Variants in UBE2L5 observed in about 807,000 individuals in gnomAD.
UBE2L5 encodes ubiquitin-conjugating enzyme E2 L5.
In UBE2L5, 3 loss-of-function variants were observed where a neutral mutation model predicts 10.0. That is an observed-to-expected ratio of 0.30 (90% CI 0.14 to 0.78). The LOEUF (loss-of-function observed/expected upper bound fraction) is 0.78. Ranked by LOEUF, UBE2L5 falls within the 30% of genes least tolerant of loss-of-function variation. UBE2L5 has a pLI of 0.65. For synonymous variants in UBE2L5, 60 were observed against 71.9 expected, an observed-to-expected ratio of 0.83 and a Z score of 0.83; for missense variants, 131 against 193.3, an observed-to-expected ratio of 0.68 and a Z score of 1.91.
chr13:30,425,881 G>A (rs765718337), intron 2 of UBE2L5, among the ~76,000 whole-genome samples: 7 of 152,032 alleles, frequency 4.6e-5, no homozygotes, highest in Middle Eastern at 6.8e-3. Flanking sequence ...AAAATTTGCC[G>A]GGCGTGCCTG....
intron 1 of UBE2L5, among the ~76,000 whole-genome samples, chr13:30,423,755 C>T (rs897709547): frequency 2.0e-5 from 3 of 152,166 alleles, no homozygotes; most frequent in African/African-American, 7.2e-5. Flanking sequence ...GCCTTCAGGC[C>T]ACATCTGATA....
At position 30,427,827 on chromosome 13, in the gene UBE2L5, T is replaced by G; in HGVS notation, c.-164T>G. The G allele has an allele frequency of 1.5e-6, 1 of 653,766 alleles. No individual in the cohort carries two copies. The highest frequency in any genetic ancestry group is 2.8e-6 in the Non-Finnish European group (1 of 362,226). 40.5% of individuals were successfully genotyped at this position (653,766 alleles called of 1,614,324 possible). A position where few individuals can be genotyped will look rare whatever the true frequency, so the allele number is the denominator to read the frequency against. The stretch of plus-strand genomic sequence containing the variant: ...TAAAAAAAAAAAAAATTATAATGTA[T>G]AGGATTGTGGATGATCACTCTAACC... On this transcript the variant is annotated 5_prime_UTR_variant, in exon 4 of 4. It removes the in-frame stop codon of an upstream open reading frame in the 5' UTR. Coordinates refer to ENST00000635918, the MANE Select transcript of UBE2L5 (RefSeq NM_001355247.2).
chr13:30,425,570 T>C (rs1378670719), intron 2 of UBE2L5, among the ~76,000 whole-genome samples: 1 of 152,238 alleles, frequency 6.6e-6, no homozygotes, highest in Non-Finnish European at 1.5e-5. Context: ...GCGCCATGCA[T>C]TCTCATGCCA....
Position 30,427,801 on chromosome 13 carries a change from C to T in UBE2L5, c.-190C>T. The T allele has an allele frequency of 3.5e-6, 2 of 569,168 alleles. No individual in the cohort carries two copies. Among genetic ancestry groups the T allele is most frequent in the Non-Finnish European group, 6.2e-6 (2 of 321,726 alleles). The allele number at this position is 569,168 out of a possible 1,614,324, so 35.3% of individuals were successfully genotyped here. A position where few individuals can be genotyped will look rare whatever the true frequency, so the allele number is the denominator to read the frequency against. On this transcript the variant is annotated 5_prime_UTR_variant, in exon 4 of 4. Transcript: ENST00000635918. ...CCTGGGCAACAGAGAGAGACTCTGG[C>T]TAAAAAAAAAAAAAATTATAATGTA...
intron 2 of UBE2L5, among the ~76,000 whole-genome samples, chr13:30,426,092 A>C (rs1266645560): frequency 6.6e-6 from 1 of 151,440 alleles, no homozygotes; most frequent in Non-Finnish European, 1.5e-5. Flanking sequence ...AGGTGGATCA[A>C]CTGAGGTCAG....
At position 30,427,962 on chromosome 13, in the gene UBE2L5, T is replaced by G; in HGVS notation, c.-29T>G. The G allele has an allele frequency of 4.4e-6, 6 of 1,378,366 alleles. No individual in the cohort carries two copies. The highest frequency in any genetic ancestry group is 6.2e-6 in the Non-Finnish European group (6 of 967,096). The allele number at this position is 1,378,366 out of a possible 1,614,324, so 85.4% of individuals were successfully genotyped here. On this transcript the variant is annotated 5_prime_UTR_variant, in exon 4 of 4. The change creates a new upstream start codon in the 5' untranslated region. Coordinates refer to ENST00000635918, the MANE Select transcript of UBE2L5 (RefSeq NM_001355247.2). ...AAAAGTGGCCGTTACCACGATGCAT[T>G]CTGGGAAAGAAGCAGCACCAAATCC...
chr13:30,424,207 C>G (rs1440449383), intron 1 of UBE2L5, among the ~76,000 whole-genome samples: 1 of 152,166 alleles, frequency 6.6e-6, no homozygotes, highest in Non-Finnish European at 1.5e-5. Context: ...CCACCTCTGC[C>G]TTCACTCTGT....
Position 30,428,557 on chromosome 13 carries a change from G to A in UBE2L5, c.*102G>A, listed in dbSNP as rs1013920802. The A allele has an allele frequency of 2.2e-6, 3 of 1,372,716 alleles. No homozygotes were observed. Among genetic ancestry groups the A allele is most frequent in the East Asian group, 2.4e-5 (1 of 41,470 alleles). The allele number at this position is 1,372,716 out of a possible 1,614,324, so 85.0% of individuals were successfully genotyped here. ...TCTGTGGAAATTGATACGTGCCACC[G>A]TCTGGCGTTCGCTTGCAGCAGTTAC... On this transcript the variant is annotated 3_prime_UTR_variant, in exon 4 of 4. Coordinates refer to ENST00000635918, the MANE Select transcript of UBE2L5 (RefSeq NM_001355247.2).
In UBE2L5 at chr13:30,428,136, G is replaced by A; in HGVS notation, c.146G>A (p.Gly49Glu). 6.2e-7 allele frequency: 1 copy of A among 1,607,708 alleles called. No individual in the cohort carries two copies. Among genetic ancestry groups the A allele is most frequent in the South Asian group, 1.1e-5 (1 of 90,938 alleles). The change falls in exon 4 of 4, where the codon GGG becomes GAG. Residue 49 changes from glycine (G) to glutamate (E), a missense_variant. Transcript: ENST00000635918. ...IVPDNPPYNK[G>E]AFRIEINFPA... ...CCTGACAACCCTCCGTATAATAAGG[G>A]GGCCTTCAGAATCGAAATCAACTTT...
intron 2 of UBE2L5, among the ~76,000 whole-genome samples, chr13:30,425,484 C>T (rs1471685320): frequency 6.6e-6 from 1 of 152,206 alleles, no homozygotes; most frequent in African/African-American, 2.4e-5. Context: ...GCTCCAGTTC[C>T]TGCCTTTCCT....
Position 30,428,293 on chromosome 13 carries a change from C to A in UBE2L5, c.303C>A (p.Thr101=). The change falls in exon 4 of 4, where the codon ACC becomes ACA. Residue 101 remains threonine, a synonymous_variant. Coordinates refer to ENST00000635918, the MANE Select transcript of UBE2L5 (RefSeq NM_001355247.2). The stretch of plus-strand genomic sequence containing the variant: ...AAAACTGGAAGCCAGCAACCAAAAC[C>A]GACCAAGTAATCCAGTCCCTCATAG... ...SAENWKPATK[T]DQVIQSLIAL... 1 of 1,608,292 alleles carries A rather than the reference C, an allele frequency of 6.2e-7. No homozygotes were observed. The highest frequency in any genetic ancestry group is 8.5e-7 in the Non-Finnish European group (1 of 1,176,930).
At chr13:30,424,395 T>G (rs1328833085) in intron 1 of UBE2L5, among the ~76,000 whole-genome samples, 1 of 152,180 alleles carries the variant, frequency 6.6e-6, no homozygotes, top group Non-Finnish European at 1.5e-5. Flanking sequence ...TTCTGGAGAT[T>G]CCTTTAGGCA....
chr13:30,424,228 G>A (rs7326052), intron 1 of UBE2L5, among the ~76,000 whole-genome samples: 1 of 152,128 alleles, frequency 6.6e-6, no homozygotes, highest in Non-Finnish European at 1.5e-5. Flanking sequence ...TAAGGGACTT[G>A]TCCACTCTGC....
rs78412376 is a variant in UBE2L5, at chr13:30,429,337, G to T, written c.*882G>T. The stretch of plus-strand genomic sequence containing the variant: ...ATACCTGGAATTCACACCATAATTG[G>T]GGTGTCTTTAGGCTGAAATGGAGAC... On this transcript the variant is annotated 3_prime_UTR_variant, in exon 4 of 4. Transcript: ENST00000635918. Among the ~76,000 whole-genome samples, 3,195 of 152,082 alleles carry T rather than the reference G, an allele frequency of 0.021. 82 individuals carry two copies. The highest frequency in any genetic ancestry group is 0.098 in the East Asian group (508 of 5,182).
intron 1 of UBE2L5, among the ~76,000 whole-genome samples, chr13:30,423,216 A>AAG (rs1292674511): frequency 6.6e-6 from 1 of 152,234 alleles, no homozygotes; most frequent in Non-Finnish European, 1.5e-5. Context: ...GAGAAGTTCC[A>AAG]TCTGGAAAAT....
intron 2 of UBE2L5, among the ~76,000 whole-genome samples, chr13:30,425,755 T>A (rs1177291540): frequency 6.6e-6 from 1 of 151,104 alleles, no homozygotes; most frequent in East Asian, 1.9e-4. Flanking sequence ...GGGCGTGGTG[T>A]TTCACGCCTG....
In UBE2L5 at chr13:30,427,519, G is replaced by C. The variant is rs1315359240; in HGVS notation, c.-472G>C. 1 of 160,222 alleles carries C rather than the reference G, an allele frequency of 6.2e-6. No individual in the cohort carries two copies. The highest frequency in any genetic ancestry group is 6.1e-5 in the Admixed American group (1 of 16,448). The allele number at this position is 160,222 out of a possible 1,614,324, so 9.9% of individuals were successfully genotyped here. A position where few individuals can be genotyped will look rare whatever the true frequency, so the allele number is the denominator to read the frequency against. ...TGCAGGTAGAATTATAATGTGTAAA[G>C]CCGGGTGCAGTGGCTCACGTCTATA... On this transcript the variant is annotated 5_prime_UTR_variant, in exon 4 of 4. Coordinates refer to ENST00000635918, the MANE Select transcript of UBE2L5 (RefSeq NM_001355247.2).
chr13:30,428,971 T>C lies in UBE2L5; in HGVS notation c.*516T>C, dbSNP rs1007295576. Among the ~76,000 whole-genome samples, 4 of 151,898 alleles carry C rather than the reference T, an allele frequency of 2.6e-5. No homozygotes were observed. Among genetic ancestry groups the C allele is most frequent in the African/African-American group, 9.7e-5 (4 of 41,348 alleles). ...TGATGTTTCCCGTTGAACTGACATTTAGATTGAAATACCTGCGAGCCGGGT... is the reference window on the plus strand; with the variant it reads ...TGATGTTTCCCGTTGAACTGACATTCAGATTGAAATACCTGCGAGCCGGGT... On this transcript the variant is annotated 3_prime_UTR_variant, in exon 4 of 4. Coordinates refer to ENST00000635918, the MANE Select transcript of UBE2L5 (RefSeq NM_001355247.2).
chr13:30,424,212 C>G (rs756677686), intron 1 of UBE2L5, among the ~76,000 whole-genome samples: 38 of 152,300 alleles, frequency 2.5e-4, no homozygotes, highest in Non-Finnish European at 5.0e-4. Flanking sequence ...TCTGCCTTCA[C>G]TCTGTTAAGG....
Sources: gnomAD v4.1 joint callset for allele counts (sites outside exome capture counted in the v4.1 genomes callset) on GRCh38, gnomAD v4.1.1 for gene constraint, MANE v1.5 for transcripts, NCBI Gene and HGNC (gene_info 2026-07-23, HGNC 2026-07-21) for gene names.